Variants in ZNF682 observed in about 807,000 individuals in gnomAD.
ZNF682 encodes zinc finger protein 682.
In ZNF682, 29 loss-of-function variants were observed where a neutral mutation model predicts 36.5. That is an observed-to-expected ratio of 0.80 (90% CI 0.59 to 1.08). The LOEUF (loss-of-function observed/expected upper bound fraction) is 1.08, where lower values mean the gene tolerates loss of function less well. ZNF682 is among the 50% of genes least tolerant of loss of function. The pLI, the probability that ZNF682 is intolerant of heterozygous loss-of-function variation, is 0.00. For missense variants in ZNF682, 561 were observed against 579.7 expected (o/e 0.97, Z 0.33); for synonymous variants, 180 against 197.0 (o/e 0.91, Z 0.72).
intron 3 of ZNF682, among the ~76,000 whole-genome samples, chr19:20,012,584 G>A (rs1329278039): frequency 6.6e-6 from 1 of 151,922 alleles, no homozygotes; most frequent in Non-Finnish European, 1.5e-5. Context: ...TGGCTAACAC[G>A]GTGAAACCCC....
intron 3 of ZNF682, among the ~76,000 whole-genome samples, chr19:20,016,458 A>G (rs1300809170): frequency 6.6e-6 from 1 of 152,196 alleles, no homozygotes; most frequent in Admixed American, 6.5e-5. Flanking sequence ...TCAAGAAAAT[A>G]GTGCATGAGG....
intron 3 of ZNF682, among the ~76,000 whole-genome samples, chr19:19,998,520 AC>A (rs1261047462): frequency 6.6e-6 from 1 of 152,166 alleles, no homozygotes; most frequent in East Asian, 1.9e-4. Flanking sequence ...CCTTTCAACA[AC>A]AAATACTATC....
chr19:20,006,959 G>C lies in ZNF682; in HGVS notation c.543C>G (p.Val181=). 1 of 1,613,150 alleles carries C rather than the reference G, an allele frequency of 6.2e-7. No individual in the cohort carries two copies. Among genetic ancestry groups the C allele is most frequent in the Non-Finnish European group, 8.5e-7 (1 of 1,179,406 alleles). The part of the protein sequence containing the change: ...KLFKCMQCGK[V]FKSHSGLSYH... ...AAGAAAGGCCTGAGTGAGATTTAAA[G>C]ACTTTGCCACATTGCATACATTTGA... is the stretch of plus-strand genomic sequence containing the variant. The change falls in exon 4 of 4, where the codon GTC becomes GTG. Residue 181 remains valine (V), a synonymous_variant. Transcript: ENST00000397165.
At chr19:20,001,674 A>G (rs1272492762), downstream of ZNF682, among the ~76,000 whole-genome samples, 1 of 152,252 alleles carries the variant, frequency 6.6e-6, no homozygotes, top group African/African-American at 2.4e-5. Context: ...TCTGGAAATT[A>G]GAAATCTAAC....
chr19:20,026,828 G>T (rs1314148617), intron 1 of ZNF682, among the ~76,000 whole-genome samples: 1 of 152,182 alleles, frequency 6.6e-6, no homozygotes, highest in Non-Finnish European at 1.5e-5. Context: ...GTCATGGTAT[G>T]TAAGAAGCCT....
At chr19:20,018,754 A>G (rs892941791) in intron 3 of ZNF682, among the ~76,000 whole-genome samples, 12 of 152,228 alleles carry the variant, frequency 7.9e-5, no homozygotes, top group African/African-American at 2.4e-4. Flanking sequence ...CTTGAACATA[A>G]AAATATAACA....
chr19:20,017,252 C>T (rs1883353985), intron 3 of ZNF682, among the ~76,000 whole-genome samples: 1 of 152,168 alleles, frequency 6.6e-6, no homozygotes, highest in East Asian at 1.9e-4. Context: ...ACAGATTGAA[C>T]CCTTTAAAAA....
intron 1 of ZNF682, among the ~76,000 whole-genome samples, chr19:20,028,945 C>T (rs2088455814): frequency 6.6e-6 from 1 of 151,712 alleles, no homozygotes; most frequent in Non-Finnish European, 1.5e-5. Flanking sequence ...ATATGAAAAG[C>T]CCAGCATTTA....
At chr19:20,037,833 C>G (rs1314805279) in intron 1 of ZNF682, among the ~76,000 whole-genome samples, 1 of 152,186 alleles carries the variant, frequency 6.6e-6, no homozygotes, top group African/African-American at 2.4e-5. Context: ...GAAATGGAAA[C>G]TGGGAGTTGG....
At chr19:20,029,822 TAA>T (rs58158506) in intron 1 of ZNF682, among the ~76,000 whole-genome samples, 5 of 150,528 alleles carry the variant, frequency 3.3e-5, no homozygotes, top group African/African-American at 9.8e-5. Context: ...TGGTTTTAAT[TAA>T]AAAAAAAAAT....
At chr19:20,020,253 T>C (rs568715421) in intron 3 of ZNF682, among the ~76,000 whole-genome samples, 1 of 152,202 alleles carries the variant, frequency 6.6e-6, no homozygotes, top group Non-Finnish European at 1.5e-5. Flanking sequence ...ATACCAGCAC[T>C]GTGGGAGGCT....
chr19:20,004,611 T>G lies in ZNF682; in HGVS notation c.*1394A>C, dbSNP rs1434090509. On this transcript the variant is annotated 3_prime_UTR_variant, in exon 4 of 4. Coordinates refer to ENST00000397165, the MANE Select transcript of ZNF682 (RefSeq NM_033196.3). ...AGTTTTATAAGTCAACCACAAAAGT[T>G]TCTCTGTGTACTTTCTTCACACACC... The G allele has an allele frequency of 6.6e-6, 1 of 152,192 alleles. No individual in the cohort carries two copies. The highest frequency in any genetic ancestry group is 1.5e-5 in the Non-Finnish European group (1 of 68,038). The allele number at this position is 152,192 out of a possible 1,614,324, so 9.4% of individuals were successfully genotyped here.
At chr19:20,035,663 C>T (rs7251276) in intron 1 of ZNF682, among the ~76,000 whole-genome samples, 119,373 of 152,094 alleles carry the variant, frequency 0.78, 46,986 homozygotes, top group Middle Eastern at 0.88. Context: ...TACAGAATAT[C>T]AAAATCATTA....
At chr19:20,004,043 AAACTT>A (rs2088188962), downstream of ZNF682, among the ~76,000 whole-genome samples, 1 of 152,222 alleles carries the variant, frequency 6.6e-6, no homozygotes, top group South Asian at 2.1e-4. Context: ...ATGTAAGTGA[AAACTT>A]AAAGAGTCTA....
chr19:20,011,396 A>AGCATTACAGATC (rs1372191919), intron 3 of ZNF682, among the ~76,000 whole-genome samples: 7 of 152,220 alleles, frequency 4.6e-5, no homozygotes, highest in Non-Finnish European at 4.4e-5. Flanking sequence ...CCTTACAGAT[A>AGCATTACAGATC]GCATTACAGA....
Position 20,007,121 on chromosome 19 carries a change from T to C in ZNF682, c.381A>G (p.Lys127=), listed in dbSNP as rs775607926. 2 of 1,613,546 alleles carry C rather than the reference T, an allele frequency of 1.2e-6. No individual in the cohort carries two copies. The highest frequency in any genetic ancestry group is 1.1e-5 in the South Asian group (1 of 91,078). ...GENVGECKDQ[K]EIYNGLNQCL... is the part of the protein sequence containing the mutation. The stretch of plus-strand genomic sequence containing the variant: ...ATTGGTTAAGTCCATTATAAATTTC[T>C]TTTTGATCCTTACACTCACCCACAT... The change falls in exon 4 of 4, where the codon AAA becomes AAG. Residue 127 remains lysine, a synonymous_variant. Transcript: ENST00000397165.
chr19:20,021,910 C>T (rs999426818), intron 3 of ZNF682, among the ~76,000 whole-genome samples: 1 of 152,018 alleles, frequency 6.6e-6, no homozygotes, highest in Non-Finnish European at 1.5e-5. Context: ...GTGGCTCACA[C>T]CTGTAATCCC....
chr19:19,997,331 C>T, intron 3 of ZNF682: 1 of 398,514 alleles, frequency 2.5e-6, no homozygotes, highest in East Asian at 3.6e-5. Context: ...AAAGCCTTTT[C>T]ATACCTCATA....
At chr19:20,020,240 G>A (rs770274513) in intron 3 of ZNF682, among the ~76,000 whole-genome samples, 31 of 152,094 alleles carry the variant, frequency 2.0e-4, no homozygotes, top group Middle Eastern at 3.2e-3. Context: ...GCTCACACCC[G>A]TAATACCAGC....
Sources: allele counts gnomAD v4.1 joint callset (sites outside exome capture counted in the v4.1 genomes callset), GRCh38; gene constraint gnomAD v4.1.1; transcripts MANE v1.5; gene names NCBI Gene and HGNC (gene_info 2026-07-23, HGNC 2026-07-21).